Variants in PABPC4L observed in about 807,000 individuals in gnomAD.
PABPC4L encodes poly(A) binding protein cytoplasmic 4 like, also known as polyadenylate-binding protein 4-like.
For missense variants in PABPC4L, 452 were observed against 451.4 expected, an observed-to-expected ratio of 1.00 and a Z score of -0.01; for synonymous variants, 169 against 164.1, an observed-to-expected ratio of 1.03 and a Z score of -0.23.
the PABPC4L span, among the ~76,000 whole-genome samples, chr4:134,121,185 A>G: frequency 2.0e-5 from 3 of 151,336 alleles, no homozygotes; most frequent in African/African-American, 7.3e-5. Flanking sequence ...TTATCTCATA[A>G]AAGTCTTAAC....
the PABPC4L span, among the ~76,000 whole-genome samples, chr4:134,133,126 C>CATATAATTATATATTATATAATTAT: frequency 6.0e-5 from 1 of 16,566 alleles, no homozygotes; most frequent in African/African-American, 6.5e-4. Context: ...TATAATATAT[C>CATATAATTATATATTATATAATTAT]ATATTACATA....
At chr4:133,969,014 T>C in the PABPC4L span, among the ~76,000 whole-genome samples, 2 of 152,186 alleles carry the variant, frequency 1.3e-5, no homozygotes, top group African/African-American at 4.8e-5. Flanking sequence ...TTGATTGTTA[T>C]TAACTGGGAA....
the PABPC4L span, among the ~76,000 whole-genome samples, chr4:134,019,432 A>C: frequency 3.3e-5 from 5 of 152,294 alleles, no homozygotes; most frequent in Non-Finnish European, 7.4e-5. Flanking sequence ...CATTTGAATA[A>C]AGCAGGAAAC....
chr4:134,026,410 A>AT, the PABPC4L span, among the ~76,000 whole-genome samples: 46 of 151,558 alleles, frequency 3.0e-4, no homozygotes, highest in East Asian at 2.3e-3. Context: ...TAATTTTTGT[A>AT]TTTTTTTTAG....
chr4:134,044,651 A>T, the PABPC4L span, among the ~76,000 whole-genome samples: 2 of 152,202 alleles, frequency 1.3e-5, no homozygotes, highest in African/African-American at 4.8e-5. Flanking sequence ...CATAGGCTAG[A>T]TATGAAAGGC....
Position 134,200,408 on chromosome 4 carries a change from C to G in PABPC4L, c.612G>C (p.Glu204Asp), listed in dbSNP as rs1198182925. The G allele has an allele frequency of 6.4e-7, 1 of 1,557,992 alleles. No homozygotes were observed. Among genetic ancestry groups the G allele is most frequent in the African/African-American group, 1.4e-5 (1 of 73,210 alleles). Residue 204 changes from glutamate to aspartate, a missense_variant, in exon 2 of 2, where the codon GAG (glutamate) becomes GAC (aspartate). Physicochemically the swap from Glu to Asp is conservative, Grantham distance 45. Coordinates refer to ENST00000421491, the MANE Select transcript of PABPC4L (RefSeq NM_001114734.2). Reference protein sequence around the residue: ...IKNFGGDMDDERLKDVFSKYG... With the variant: ...IKNFGGDMDDDRLKDVFSKYG... ...ATTTGCTGAAAACGTCCTTCAATCT[C>G]TCATCATCCATGTCACCTCCAAAGT...
chr4:134,178,101 G>A, the PABPC4L span, among the ~76,000 whole-genome samples: 1 of 152,112 alleles, frequency 6.6e-6, no homozygotes, highest in East Asian at 1.9e-4. Flanking sequence ...ACTTCTGTCT[G>A]AGGGCAGGCA....
chr4:134,089,460 G>A, the PABPC4L span, among the ~76,000 whole-genome samples: 1 of 151,990 alleles, frequency 6.6e-6, no homozygotes, highest in African/African-American at 2.4e-5. Flanking sequence ...ACATTCTGGG[G>A]TTTAGACAAA....
the PABPC4L span, among the ~76,000 whole-genome samples, chr4:134,005,125 A>AG: frequency 2.0e-5 from 3 of 151,938 alleles, no homozygotes; most frequent in African/African-American, 7.2e-5. Context: ...ACAAAAAATA[A>AG]GCATGTGAGG....
chr4:133,985,615 T>C, the PABPC4L span, among the ~76,000 whole-genome samples: 1 of 152,156 alleles, frequency 6.6e-6, no homozygotes, highest in South Asian at 2.1e-4. Context: ...GAGACTTCTA[T>C]TGTTAATCTA....
At chr4:134,151,599 T>G in the PABPC4L span, among the ~76,000 whole-genome samples, 1 of 152,070 alleles carries the variant, frequency 6.6e-6, no homozygotes, top group Non-Finnish European at 1.5e-5. Flanking sequence ...TACAAAATTG[T>G]CAGAATACCT....
At chr4:134,006,340 A>C in the PABPC4L span, among the ~76,000 whole-genome samples, 1 of 152,052 alleles carries the variant, frequency 6.6e-6, no homozygotes, top group Admixed American at 6.6e-5. Context: ...AGGGAACAAA[A>C]ATAATGCTTC....
chr4:134,065,494 T>C, the PABPC4L span, among the ~76,000 whole-genome samples: 1 of 151,932 alleles, frequency 6.6e-6, no homozygotes, highest in Non-Finnish European at 1.5e-5. Context: ...TTGTCTAGTA[T>C]CCAAAATCAA....
At chr4:134,179,849 A>T in the PABPC4L span, among the ~76,000 whole-genome samples, 3 of 152,274 alleles carry the variant, frequency 2.0e-5, no homozygotes, top group East Asian at 5.8e-4. Context: ...TATCCTGCAC[A>T]TATACACACC....
chr4:134,023,842 T>C, the PABPC4L span, among the ~76,000 whole-genome samples: 1 of 152,256 alleles, frequency 6.6e-6, no homozygotes, highest in African/African-American at 2.4e-5. Flanking sequence ...ACTATGTGAA[T>C]ACATGAATAT....
At chr4:134,130,920 A>G in the PABPC4L span, among the ~76,000 whole-genome samples, 1 of 152,186 alleles carries the variant, frequency 6.6e-6, no homozygotes, top group South Asian at 2.1e-4. Context: ...ACACCACATA[A>G]ATAGAATTAA....
At chr4:134,040,256 C>A in the PABPC4L span, among the ~76,000 whole-genome samples, 12 of 148,920 alleles carry the variant, frequency 8.1e-5, no homozygotes, top group Admixed American at 3.3e-4. Flanking sequence ...CAAAAAAGAG[C>A]CCACATAGCC....
chr4:134,136,601 A>G, the PABPC4L span, among the ~76,000 whole-genome samples: 44 of 151,954 alleles, frequency 2.9e-4, no homozygotes, highest in African/African-American at 1.0e-3. Flanking sequence ...TTAGATATTT[A>G]TGTGCAGTTT....
chr4:134,017,013 G>A, the PABPC4L span, among the ~76,000 whole-genome samples: 1 of 152,098 alleles, frequency 6.6e-6, no homozygotes, highest in African/African-American at 2.4e-5. Flanking sequence ...GGCCACCGCG[G>A]TCATTTCTTC....
Sources: gnomAD v4.1 joint callset for allele counts (sites outside exome capture counted in the v4.1 genomes callset) on GRCh38, gnomAD v4.1.1 for gene constraint, MANE v1.5 for transcripts, NCBI Gene and HGNC (gene_info 2026-07-23, HGNC 2026-07-21) for gene names.